Variants in TC2N observed in about 807,000 individuals in gnomAD.
TC2N encodes tandem C2 domains, nuclear, also known as tandem C2 domains nuclear protein.
TC2N carries 51 observed loss-of-function variants against 61.9 expected under a neutral mutation model. That is an observed-to-expected ratio of 0.82 (90% CI 0.66 to 1.04). TC2N has a LOEUF of 1.04. Ranked by LOEUF, TC2N falls within the 50% of genes least tolerant of loss-of-function variation. The pLI is 0.00. For missense variants in TC2N, 556 were observed against 566.7 expected (o/e 0.98, Z 0.19); for synonymous variants, 204 against 192.6 (o/e 1.06, Z -0.49).
chr14:91,850,795 G>A (rs1888360174), intron 1 of TC2N, among the ~76,000 whole-genome samples: 1 of 152,210 alleles, frequency 6.6e-6, no homozygotes, highest in South Asian at 2.1e-4. Context: ...GCCAGGTGTG[G>A]TGGCAGGAGC....
chr14:91,859,553 C>T (rs1888550670), intron 1 of TC2N, among the ~76,000 whole-genome samples: 1 of 152,188 alleles, frequency 6.6e-6, no homozygotes, highest in South Asian at 2.1e-4. Context: ...AGGCACTGTG[C>T]TAGGCTGTAA....
chr14:91,820,064 A>C (rs1887174666), intron 1 of TC2N, among the ~76,000 whole-genome samples: 1 of 152,162 alleles, frequency 6.6e-6, no homozygotes, highest in Non-Finnish European at 1.5e-5. Context: ...AAGAATCACA[A>C]GTGTGAATAC....
chr14:91,814,310 T>C (rs575241743), intron 1 of TC2N, among the ~76,000 whole-genome samples: 5 of 139,596 alleles, frequency 3.6e-5, no homozygotes, highest in African/African-American at 1.3e-4. Context: ...CAAGAGCACA[T>C]AGAATTAGGA....
At chr14:91,864,095 AT>A (rs1362603723) in intron 1 of TC2N, among the ~76,000 whole-genome samples, 3 of 152,150 alleles carry the variant, frequency 2.0e-5, no homozygotes, top group Non-Finnish European at 4.4e-5. Context: ...CAGGGGATCC[AT>A]TTGGTGGGGG....
Position 91,797,905 on chromosome 14 carries a change from A to C in TC2N, c.739-4T>G, listed in dbSNP as rs200947203. ...AGGGCCAACTTAAATCTCTGCACTA[A>C]AAAAATTAAAAATACAGTTTGAATT... On this transcript the variant is annotated splice_polypyrimidine_tract_variant and splice_region_variant and intron_variant, in intron 7 of 11. Transcript: ENST00000435962. 1.3e-6 allele frequency: 2 copies of C among 1,495,830 alleles called. No individual in the cohort carries two copies. Among genetic ancestry groups the C allele is most frequent in the Non-Finnish European group, 1.8e-6 (2 of 1,086,902 alleles). The allele number at this position is 1,495,830 out of a possible 1,614,324, so 92.7% of individuals were successfully genotyped here.
At chr14:91,806,196 C>A (rs919004625) in intron 3 of TC2N, among the ~76,000 whole-genome samples, 2 of 152,110 alleles carry the variant, frequency 1.3e-5, no homozygotes, top group African/African-American at 4.8e-5. Context: ...GTCCATTAAA[C>A]CTCTTTTTCT....
At chr14:91,849,548 C>T (rs1054560957) in intron 1 of TC2N, among the ~76,000 whole-genome samples, 4 of 152,128 alleles carry the variant, frequency 2.6e-5, no homozygotes, top group African/African-American at 9.7e-5. Context: ...CAGGTATAAG[C>T]CCATAAATAA....
chr14:91,835,266 C>T (rs1887951563), intron 1 of TC2N, among the ~76,000 whole-genome samples: 1 of 152,054 alleles, frequency 6.6e-6, no homozygotes, highest in Non-Finnish European at 1.5e-5. Context: ...AGCAAATATC[C>T]CAGCTCTCAA....
In TC2N at chr14:91,858,779, C is replaced by A. The variant is rs919153442; in HGVS notation, c.-57+8483G>T. Among the ~76,000 whole-genome samples, 9 of 152,120 alleles carry A rather than the reference C, an allele frequency of 5.9e-5. No homozygotes were observed. The East Asian group carries it at 1.7e-3, about 29-fold the overall frequency. ...ACTCACTCAGGAAGTGATGGACTGA[C>A]CCCCTGCGAGTGGATGAAGAAACTG... On this transcript the variant is annotated intron_variant, in intron 1 of 11. Coordinates refer to ENST00000435962, the MANE Select transcript of TC2N (RefSeq NM_001128596.3).
chr14:91,788,834 T>C (rs1470798794), intron 9 of TC2N, among the ~76,000 whole-genome samples: 1 of 152,222 alleles, frequency 6.6e-6, no homozygotes, highest in Non-Finnish European at 1.5e-5. Context: ...AAGGTCTAAA[T>C]TGATGATAAA....
chr14:91,818,435 G>C (rs1887101592), intron 1 of TC2N, among the ~76,000 whole-genome samples: 1 of 152,032 alleles, frequency 6.6e-6, no homozygotes, highest in Non-Finnish European at 1.5e-5. Flanking sequence ...ACTTAACTGT[G>C]TCCCAAAGCA....
At chr14:91,825,183 G>A (rs566823568) in intron 1 of TC2N, among the ~76,000 whole-genome samples, 21 of 151,666 alleles carry the variant, frequency 1.4e-4, no homozygotes, top group Non-Finnish European at 1.9e-4. Flanking sequence ...ACAGGCACCC[G>A]CTACCATGCC....
Position 91,812,310 on chromosome 14 carries a change from A to G in TC2N, c.301+2T>C. On this transcript the variant is annotated splice_donor_variant, in intron 3 of 11. Transcript: ENST00000435962. LOFTEE classifies it high-confidence loss of function. ...TTTAAATACTGCTATTTTATTGTTT[A>G]CCTTCAAGTTCTTCCAGATGTGAAG... 1.3e-6 allele frequency: 2 copies of G among 1,553,424 alleles called. No homozygotes were observed. The highest frequency in any genetic ancestry group is 1.8e-6 in the Non-Finnish European group (2 of 1,135,992).
chr14:91,797,377 A>G (rs1239816050), intron 8 of TC2N, among the ~76,000 whole-genome samples: 4 of 152,058 alleles, frequency 2.6e-5, no homozygotes, highest in Non-Finnish European at 5.9e-5. Context: ...TCTAGGATCT[A>G]CAAAACCAAA....
intron 8 of TC2N, 116 bp downstream of exon 8, chr14:91,797,669 T>C: frequency 1.4e-6 from 1 of 691,546 alleles, no homozygotes; most frequent in Non-Finnish European, 2.4e-6. Context: ...TAATACATAG[T>C]TGTAGTTTCC....
chr14:91,808,031 C>T (rs1886594548), intron 3 of TC2N, among the ~76,000 whole-genome samples: 1 of 152,128 alleles, frequency 6.6e-6, no homozygotes, highest in South Asian at 2.1e-4. Context: ...CTCATTGTCT[C>T]TTACCTGCTG....
intron 9 of TC2N, among the ~76,000 whole-genome samples, chr14:91,792,015 A>G (rs1647603860): frequency 6.6e-6 from 1 of 152,064 alleles, no homozygotes; most frequent in African/African-American, 2.4e-5. Flanking sequence ...GCTACTCGGG[A>G]GGCTCAGGCG....
intron 1 of TC2N, among the ~76,000 whole-genome samples, chr14:91,819,942 T>A (rs1005741194): frequency 5.3e-5 from 8 of 152,052 alleles, no homozygotes; most frequent in Middle Eastern, 3.4e-3. Flanking sequence ...AATGGAATAA[T>A]TTTAAAATAC....
intron 3 of TC2N, among the ~76,000 whole-genome samples, chr14:91,811,664 T>C (rs138151438): frequency 4.3e-4 from 65 of 152,136 alleles, no homozygotes; most frequent in African/African-American, 1.5e-3. Context: ...AAGAAACATG[T>C]TTTCTACATT....
Sources: gnomAD v4.1 joint callset for allele counts (sites outside exome capture counted in the v4.1 genomes callset) on GRCh38, gnomAD v4.1.1 for gene constraint, MANE v1.5 for transcripts, NCBI Gene and HGNC (gene_info 2026-07-23, HGNC 2026-07-21) for gene names.